Variants in RBFOX1 observed in about 807,000 individuals in gnomAD.
RBFOX1 encodes the protein RNA binding fox-1 homolog 1.
Under a neutral mutation model 57.7 loss-of-function variants are expected in RBFOX1, and 8 were observed. The ratio of observed to expected loss-of-function variants is 0.14; its 90% CI spans 0.08 to 0.25. RBFOX1 has a LOEUF of 0.25. Ranked by LOEUF, RBFOX1 falls within the 10% of genes least tolerant of loss-of-function variation. The pLI is 1.00. For missense variants in RBFOX1, 611 were observed against 548.5 expected, an observed-to-expected ratio of 1.11 and a Z score of -1.14; for synonymous variants, 326 against 222.4, an observed-to-expected ratio of 1.47 and a Z score of -4.15.
intron 2 of RBFOX1, among the ~76,000 whole-genome samples, chr16:6,451,220 C>T (rs1164578972): frequency 1.3e-5 from 2 of 151,976 alleles, no homozygotes; most frequent in Non-Finnish European, 2.9e-5. Context: ...AGCAAAATAG[C>T]ATGTTCTGAG....
intron 1 of RBFOX1, among the ~76,000 whole-genome samples, chr16:6,256,177 ATATATATACGTATATATATGTATATG>A (rs1567787763): frequency 1.8e-3 from 35 of 19,462 alleles, no homozygotes; most frequent in African/African-American, 3.8e-3. Flanking sequence ...ATATGTATAT[ATATATATACGTATATATATGTATATG>A]TATATGTGTA....
chr16:6,250,589 T>C (rs754061544), intron 1 of RBFOX1, among the ~76,000 whole-genome samples: 2 of 152,138 alleles, frequency 1.3e-5, no homozygotes, highest in Non-Finnish European at 2.9e-5. Context: ...AGGAGAAGCC[T>C]TTGAAACCCA....
At chr16:5,454,881 T>A (rs1353049218) in intron 1 of RBFOX1, among the ~76,000 whole-genome samples, 1 of 126,958 alleles carries the variant, frequency 7.9e-6, no homozygotes, top group African/African-American at 3.0e-5. Context: ...TTTCTTTCTT[T>A]CTTTCTTTCT....
At chr16:6,522,814 C>T (rs1247343059) in intron 2 of RBFOX1, among the ~76,000 whole-genome samples, 3 of 152,182 alleles carry the variant, frequency 2.0e-5, no homozygotes, top group African/African-American at 7.2e-5. Flanking sequence ...TTGCCTTGAC[C>T]TGCAGGTTTT....
intron 2 of RBFOX1, among the ~76,000 whole-genome samples, chr16:6,479,223 A>T (rs976615052): frequency 1.3e-5 from 2 of 152,228 alleles, no homozygotes. Context: ...ATTGACTCAC[A>T]GTTCTGGAGG....
At chr16:5,902,939 C>T (rs2058342379) in intron 4 of RBFOX1, among the ~76,000 whole-genome samples, 1 of 152,112 alleles carries the variant, frequency 6.6e-6, no homozygotes, top group Non-Finnish European at 1.5e-5. Flanking sequence ...CTAACCTTGC[C>T]CTTGTCTCTA....
intron 2 of RBFOX1, among the ~76,000 whole-genome samples, chr16:5,593,962 A>G (rs1224411752): frequency 6.6e-6 from 1 of 152,104 alleles, no homozygotes; most frequent in Non-Finnish European, 1.5e-5. Flanking sequence ...CTTCATCCGT[A>G]GGAACCCGTG....
intron 4 of RBFOX1, among the ~76,000 whole-genome samples, chr16:7,054,390 C>G (rs1367910794): frequency 5.3e-5 from 8 of 151,778 alleles, no homozygotes; most frequent in Admixed American, 4.6e-4. Flanking sequence ...CAGGCACGCG[C>G]CACCACGCCC....
intron 4 of RBFOX1, among the ~76,000 whole-genome samples, chr16:7,248,669 T>A (rs2094400161): frequency 6.6e-6 from 1 of 152,190 alleles, no homozygotes; most frequent in Admixed American, 6.5e-5. Context: ...TATAGGAAAT[T>A]CAAGTACTGC....
intron 3 of RBFOX1, among the ~76,000 whole-genome samples, chr16:7,005,150 CAAAA>C (rs952976394): frequency 6.6e-6 from 1 of 151,418 alleles, no homozygotes; most frequent in African/African-American, 2.4e-5. Context: ...ATCTCAAAAA[CAAAA>C]AACGAAAAAA....
At chr16:7,405,868 C>T (rs1426385071) in intron 4 of RBFOX1, among the ~76,000 whole-genome samples, 1 of 152,188 alleles carries the variant, frequency 6.6e-6, no homozygotes, top group African/African-American at 2.4e-5. Flanking sequence ...GTCTGTGATT[C>T]TCAGGCAGTT....
chr16:7,415,469 A>T (rs17143614), intron 4 of RBFOX1, among the ~76,000 whole-genome samples: 15,862 of 152,182 alleles, frequency 0.1, 2,649 homozygotes, highest in African/African-American at 0.35. Flanking sequence ...TAACGGACCA[A>T]CCTATGGAGA....
chr16:5,954,387 C>T (rs2059583166), intron 4 of RBFOX1, among the ~76,000 whole-genome samples: 1 of 151,916 alleles, frequency 6.6e-6, no homozygotes, highest in Non-Finnish European at 1.5e-5. Flanking sequence ...TCTTCTTTCG[C>T]CACCACCGCT....
chr16:7,631,981 C>G (rs1160386908), intron 11 of RBFOX1, among the ~76,000 whole-genome samples: 1 of 152,190 alleles, frequency 6.6e-6, no homozygotes, highest in African/African-American at 2.4e-5. Flanking sequence ...GCCATCTCAG[C>G]TCACTGCAAC....
chr16:6,121,959 G>T (rs1392816658), intron 1 of RBFOX1, among the ~76,000 whole-genome samples: 1 of 152,156 alleles, frequency 6.6e-6, no homozygotes, highest in East Asian at 1.9e-4. Context: ...AGGCTGGAGT[G>T]CAGTGGCATG....
chr16:5,631,399 A>G (rs551297172), intron 3 of RBFOX1, among the ~76,000 whole-genome samples: 1 of 152,276 alleles, frequency 6.6e-6, no homozygotes, highest in South Asian at 2.1e-4. Flanking sequence ...TCTATTAAAA[A>G]TACAAAAATT....
At chr16:5,397,255 T>A (rs994708839) in intron 1 of RBFOX1, among the ~76,000 whole-genome samples, 5 of 152,218 alleles carry the variant, frequency 3.3e-5, no homozygotes, top group African/African-American at 1.2e-4. Context: ...CCCCTCTGGT[T>A]TCATGGTATC....
At chr16:6,865,794 T>C (rs568982139) in intron 3 of RBFOX1, among the ~76,000 whole-genome samples, 1 of 152,316 alleles carries the variant, frequency 6.6e-6, no homozygotes, top group African/African-American at 2.4e-5. Context: ...TAAGCAGTAT[T>C]AGATAACAGT....
intron 1 of RBFOX1, among the ~76,000 whole-genome samples, chr16:6,022,327 A>C (rs1236063433): frequency 6.6e-6 from 1 of 152,042 alleles, no homozygotes; most frequent in Non-Finnish European, 1.5e-5. Context: ...ATCGAAGAAT[A>C]TTAGAAGTGG....
Sources: gnomAD v4.1 joint callset for allele counts (sites outside exome capture counted in the v4.1 genomes callset) on GRCh38, gnomAD v4.1.1 for gene constraint, MANE v1.5 for transcripts, NCBI Gene and HGNC (gene_info 2026-07-23, HGNC 2026-07-21) for gene names.